PDGFRA: variants seen among roughly 807,000 people sequenced by gnomAD.
The protein encoded by PDGFRA is platelet-derived growth factor receptor alpha.
Under a neutral mutation model 121.5 loss-of-function variants are expected in PDGFRA, and 25 were observed. That is an observed-to-expected ratio of 0.21 (90% CI 0.15 to 0.29). The LOEUF (loss-of-function observed/expected upper bound fraction) is 0.29. PDGFRA is among the 10% of genes least tolerant of loss of function. PDGFRA has a pLI of 1.00. For missense variants in PDGFRA, 1,008 were observed against 1,345.1 expected, an observed-to-expected ratio of 0.75 and a Z score of 3.92; for synonymous variants, 463 against 494.8, an observed-to-expected ratio of 0.94 and a Z score of 0.85.
At chr4:54,277,774 T>C in intron 13 of PDGFRA, 122 bp from the exon 14 acceptor site, 1 of 754,974 alleles carries the variant, frequency 1.3e-6, no homozygotes, top group Non-Finnish European at 2.4e-6. Context: ...TATCTGCTTC[T>C]TTTAGACTTC....
chr4:54,282,919 T>G (rs1206442270), intron 16 of PDGFRA, among the ~76,000 whole-genome samples: 2 of 152,226 alleles, frequency 1.3e-5, no homozygotes, highest in South Asian at 4.1e-4. Flanking sequence ...CCAGCAGGGC[T>G]GAAAACTCCA....
chr4:54,277,181 G>C (rs1723778990), intron 12 of PDGFRA: 1 of 614,434 alleles, frequency 1.6e-6, no homozygotes, highest in Non-Finnish European at 3.0e-6. Context: ...TCCCTTGCAA[G>C]TGTTATTCGA....
At chr4:54,275,265 A>C (rs1723656841) in intron 12 of PDGFRA, among the ~76,000 whole-genome samples, 1 of 152,236 alleles carries the variant, frequency 6.6e-6, no homozygotes, top group Non-Finnish European at 1.5e-5. Flanking sequence ...TTCTTTAGAA[A>C]TGACACAAAT....
chr4:54,261,033 G>A, intron 2 of PDGFRA, 62 bp from the exon 3 acceptor site: 12 of 1,442,174 alleles, frequency 8.3e-6, no homozygotes, highest in Non-Finnish European at 1.2e-5. Context: ...GCTTCTCTCA[G>A]TTGTCGGGAT....
rs771567933 is a variant in PDGFRA at position 54,273,607 on chromosome 4, C to A, written c.1435C>A (p.Arg479=). ...AAACATCATCACGGAGATCCACTCCCGAGACAGGAGTACCGTGGAGGGCCG... is the reference window on the plus strand; with the variant it reads ...AAACATCATCACGGAGATCCACTCCAGAGACAGGAGTACCGTGGAGGGCCG... The part of the protein sequence containing the change: ...VSNIITEIHS[R]DRSTVEGRVT... Residue 479 remains arginine, a synonymous_variant, in exon 10 of 23, where the codon CGA becomes AGA. Coordinates refer to ENST00000257290, the MANE Select transcript of PDGFRA (RefSeq NM_006206.6). The A allele has an allele frequency of 6.2e-7, 1 of 1,613,982 alleles. No individual in the cohort carries two copies. Among genetic ancestry groups the A allele is most frequent in the South Asian group, 1.1e-5 (1 of 91,076 alleles).
At chr4:54,241,897 GTTAAAACAAGTTT>G (rs1721320875) in intron 1 of PDGFRA, among the ~76,000 whole-genome samples, 1 of 152,144 alleles carries the variant, frequency 6.6e-6, no homozygotes. Context: ...GGTGCCCTAT[GTTAAAACAAGTTT>G]TTCTTCAAGT....
chr4:54,278,961 G>T, intron 15 of PDGFRA: 1 of 419,008 alleles, frequency 2.4e-6, no homozygotes, highest in South Asian at 1.7e-5. Context: ...TGGCTATAAA[G>T]AACTCTGTAG....
intron 3 of PDGFRA, among the ~76,000 whole-genome samples, chr4:54,263,274 T>A (rs1326231983): frequency 6.6e-6 from 1 of 152,186 alleles, no homozygotes; most frequent in Non-Finnish European, 1.5e-5. Context: ...AATTTTGATT[T>A]AGATTCCTGG....
chr4:54,255,909 T>A (rs769935486), intron 1 of PDGFRA, among the ~76,000 whole-genome samples: 2 of 152,038 alleles, frequency 1.3e-5, no homozygotes, highest in Non-Finnish European at 2.9e-5. Flanking sequence ...ACAAATTGAG[T>A]CCTATTAGGC....
chr4:54,264,646 A>G, intron 4 of PDGFRA: 1 of 391,330 alleles, frequency 2.6e-6, no homozygotes, highest in Non-Finnish European at 4.8e-6. Context: ...GTATAACCAT[A>G]ACTAACCCAC....
intron 1 of PDGFRA, among the ~76,000 whole-genome samples, chr4:54,234,365 A>G (rs1720889004): frequency 6.6e-6 from 1 of 152,264 alleles, no homozygotes; most frequent in Non-Finnish European, 1.5e-5. Flanking sequence ...AGTGGAGCTC[A>G]GAATTCCTCG....
rs770239193 is a variant in PDGFRA, at chr4:54,277,508, T to TGGGGATTTTTTGAGCAC, written c.1891+33_1891+49dup. ...ATGCTAAAACGTAAGTGCTCCTTCC[T>TGGGGATTTTTTGAGCAC]GGGGATTTTTTGAGCACGGGGATTT... On this transcript the variant is annotated intron_variant, in intron 13 of 22. Coordinates refer to ENST00000257290, the MANE Select transcript of PDGFRA (RefSeq NM_006206.6). 8.3e-6 allele frequency: 13 copies of TGGGGATTTTTTGAGCAC among 1,562,016 alleles called. No individual in the cohort carries two copies. Among genetic ancestry groups the TGGGGATTTTTTGAGCAC allele is most frequent in the Non-Finnish European group, 1.1e-5 (13 of 1,132,706 alleles).
intron 1 of PDGFRA, among the ~76,000 whole-genome samples, chr4:54,250,155 T>A (rs1224619209): frequency 1.3e-5 from 2 of 152,222 alleles, no homozygotes; most frequent in Admixed American, 1.3e-4. Context: ...GAGAGAAAAG[T>A]GACAGATCAT....
At chr4:54,275,275 T>A (rs542820095) in intron 12 of PDGFRA, among the ~76,000 whole-genome samples, 1 of 152,294 alleles carries the variant, frequency 6.6e-6, no homozygotes, top group East Asian at 1.9e-4. Flanking sequence ...ATGACACAAA[T>A]TGAAAATGAA....
intron 12 of PDGFRA, among the ~76,000 whole-genome samples, chr4:54,277,004 A>C (rs1723764073): frequency 1.3e-5 from 2 of 152,182 alleles, no homozygotes; most frequent in African/African-American, 4.8e-5. Flanking sequence ...CTAAGACAAA[A>C]GATGCCCCTG....
Position 54,296,064 on chromosome 4 carries a change from A to T in PDGFRA, c.*792A>T. ...CAGTTTTTGACATTTATATTAAATA[A>T]CATGTTTCTCTATAAAGTATGGTAA... On this transcript the variant is annotated 3_prime_UTR_variant, in exon 23 of 23. Transcript: ENST00000257290. 1 of 232,708 alleles carries T rather than the reference A, an allele frequency of 4.3e-6. No individual in the cohort carries two copies. Among genetic ancestry groups the T allele is most frequent in the East Asian group, 6.1e-5 (1 of 16,294 alleles). The allele number at this position is 232,708 out of a possible 1,614,324, so 14.4% of individuals were successfully genotyped here.
chr4:54,235,049 C>T (rs548252857), intron 1 of PDGFRA, among the ~76,000 whole-genome samples: 11 of 152,328 alleles, frequency 7.2e-5, no homozygotes, highest in African/African-American at 2.4e-4. Context: ...TAAACACACC[C>T]TCTGCTGGAA....
chr4:54,259,899 G>A (rs1411047951), intron 2 of PDGFRA, among the ~76,000 whole-genome samples: 1 of 152,110 alleles, frequency 6.6e-6, no homozygotes, highest in African/African-American at 2.4e-5. Flanking sequence ...CGGGTTTCTT[G>A]TTTTCTAAGT....
chr4:54,234,154 A>T (rs529901406), intron 1 of PDGFRA, among the ~76,000 whole-genome samples: 8 of 152,194 alleles, frequency 5.3e-5, no homozygotes, highest in African/African-American at 1.9e-4. Flanking sequence ...GCCCCGGCGC[A>T]CCAGCTCCCG....
Sources: allele counts gnomAD v4.1 joint callset (sites outside exome capture counted in the v4.1 genomes callset), GRCh38; gene constraint gnomAD v4.1.1; transcripts MANE v1.5; gene names NCBI Gene and HGNC (gene_info 2026-07-23, HGNC 2026-07-21).